The following KALRN variants were observed in gnomAD, a reference collection of about 807,000 sequenced individuals.
KALRN encodes kalirin.
Under a neutral mutation model 353.7 loss-of-function variants are expected in KALRN, and 70 were observed. The observed-to-expected ratio is 0.20, with a 90% CI of 0.16 to 0.24. The LOEUF is 0.24. Among genes scored for constraint, KALRN ranks in the 10% least tolerant of loss-of-function variants. The pLI is 1.00. For missense variants in KALRN, 2,791 were observed against 3,756.7 expected, an observed-to-expected ratio of 0.74 and a Z score of 6.72; for synonymous variants, 1,391 against 1,434.8, an observed-to-expected ratio of 0.97 and a Z score of 0.69.
chr3:124,504,138 A>G (rs1033773871), intron 33 of KALRN, among the ~76,000 whole-genome samples: 2 of 152,192 alleles, frequency 1.3e-5, no homozygotes, highest in African/African-American at 4.8e-5. Context: ...AGAAATAGGG[A>G]CACTGGAAAA....
At chr3:124,126,188 G>GT (rs60763765) in intron 1 of KALRN, among the ~76,000 whole-genome samples, 3,290 of 149,808 alleles carry the variant, frequency 0.022, 88 homozygotes, top group African/African-American at 0.068. Flanking sequence ...TAATGATTCT[G>GT]TTTTTTTTTC....
At chr3:124,586,723 G>A (rs1427418841) in intron 34 of KALRN, among the ~76,000 whole-genome samples, 1 of 152,204 alleles carries the variant, frequency 6.6e-6, no homozygotes, top group Non-Finnish European at 1.5e-5. Flanking sequence ...CAGTTTAAAA[G>A]GGAAAAGAAG....
At chr3:124,060,504 G>A (rs764527211) in intron 1 of KALRN, among the ~76,000 whole-genome samples, 75 of 152,330 alleles carry the variant, frequency 4.9e-4, no homozygotes, top group African/African-American at 1.8e-3. Context: ...ACCTCCAGGT[G>A]TCTGGCTCTC....
intron 33 of KALRN, among the ~76,000 whole-genome samples, chr3:124,524,662 T>C (rs1221805497): frequency 6.6e-6 from 1 of 152,192 alleles, no homozygotes; most frequent in Non-Finnish European, 1.5e-5. Context: ...GAATCAGTAT[T>C]AGAGAACCCA....
chr3:124,682,161 T>A (rs2061369314), intron 51 of KALRN, among the ~76,000 whole-genome samples: 1 of 152,036 alleles, frequency 6.6e-6, no homozygotes, highest in Non-Finnish European at 1.5e-5. Flanking sequence ...TGATGAGGAG[T>A]GCATACTGAA....
At chr3:124,666,417 A>G (rs1559805312) in intron 45 of KALRN, 32 bp from the exon 46 acceptor site, 1 of 1,606,094 alleles carries the variant, frequency 6.2e-7, no homozygotes, top group Non-Finnish European at 8.5e-7. Flanking sequence ...CCCATTTTTC[A>G]TTCACTTCAC....
At chr3:124,291,791 AT>A (rs1318517067) in intron 5 of KALRN, among the ~76,000 whole-genome samples, 12 of 152,160 alleles carry the variant, frequency 7.9e-5, no homozygotes, top group African/African-American at 2.7e-4. Context: ...AGCAGACTGG[AT>A]TTATGACAAA....
chr3:124,387,209 C>T (rs1445634), intron 11 of KALRN, among the ~76,000 whole-genome samples: 26,392 of 152,128 alleles, frequency 0.17, 2,355 homozygotes, highest in Admixed American at 0.2. Flanking sequence ...ATTGTTTTCC[C>T]GGATATCTCT....
chr3:124,156,311 C>A (rs534132664), intron 1 of KALRN, among the ~76,000 whole-genome samples: 1 of 152,298 alleles, frequency 6.6e-6, no homozygotes, highest in African/African-American at 2.4e-5. Flanking sequence ...TGTAAGTTTC[C>A]ATTTGGTGAA....
At chr3:124,044,952 G>A (rs1215750182) in intron 1 of KALRN, among the ~76,000 whole-genome samples, 1 of 131,444 alleles carries the variant, frequency 7.6e-6, no homozygotes, top group Admixed American at 8.6e-5. Context: ...TTTGGTAACA[G>A]TGTGGAGATA....
intron 2 of KALRN, among the ~76,000 whole-genome samples, chr3:124,233,338 C>T (rs1322846170): frequency 6.6e-6 from 1 of 152,136 alleles, no homozygotes; most frequent in African/African-American, 2.4e-5. Context: ...GCTTCCTTTT[C>T]CTCATGTGGA....
intron 47 of KALRN, among the ~76,000 whole-genome samples, chr3:124,669,872 TTATAC>T (rs1483202163): frequency 6.6e-6 from 1 of 152,200 alleles, no homozygotes; most frequent in Non-Finnish European, 1.5e-5. Flanking sequence ...TAAATGATTG[TTATAC>T]TATATTGTTT....
At chr3:124,339,804 T>C (rs928136081) in intron 9 of KALRN, among the ~76,000 whole-genome samples, 2 of 152,310 alleles carry the variant, frequency 1.3e-5, no homozygotes. Context: ...GGATAATTCT[T>C]TAGTTTACCT....
chr3:124,374,935 A>C (rs2086376135), intron 10 of KALRN, among the ~76,000 whole-genome samples: 1 of 152,330 alleles, frequency 6.6e-6, no homozygotes, highest in East Asian at 1.9e-4. Flanking sequence ...GGCTTCAGGA[A>C]TTCCATGCAA....
At chr3:124,518,409 C>T (rs2066867948) in intron 33 of KALRN, 2 of 1,614,024 alleles carry the variant, frequency 1.2e-6, no homozygotes, top group Non-Finnish European at 1.7e-6. Flanking sequence ...GGATGGCAAC[C>T]TTGTTCCTCG....
chr3:124,441,976 T>C lies in KALRN; in HGVS notation c.3230T>C (p.Val1077Ala). 6.2e-7 allele frequency: 1 copy of C among 1,602,482 alleles called. No homozygotes were observed. The highest frequency in any genetic ancestry group is 8.5e-7 in the Non-Finnish European group (1 of 1,171,724). Residue 1077 changes from valine to alanine, a missense_variant, in exon 19 of 60, where the codon GTG becomes GCG. By Grantham distance (64) the Val-to-Ala change is moderately conservative (BLOSUM62 0). This residue lies in a region of KALRN where 268 missense variants were observed against 347.0 expected (regional missense o/e 0.77). Coordinates refer to ENST00000682506, the MANE Select transcript of KALRN (RefSeq NM_001388419.1). The stretch of plus-strand genomic sequence containing the variant: ...ACCCTGGCTCGGCGGAATGCTGAGG[T>C]GTTTCTCAAGTACATCCACAGGAAC... ...ACTLARRNAE[V>A]FLKYIHRNNV...
Position 124,266,861 on chromosome 3 carries a change from G to C in KALRN, c.457-1882G>C, listed in dbSNP as rs185464075. On this transcript the variant is annotated intron_variant, in intron 4 of 59. Coordinates refer to ENST00000682506, the MANE Select transcript of KALRN (RefSeq NM_001388419.1). Reference sequence around the variant, plus strand: ...GCAGGGAAATGCTTTCTATATTTTGGCTTGTTTATACAGAGGTGGTGACAA... The same window carrying C: ...GCAGGGAAATGCTTTCTATATTTTGCCTTGTTTATACAGAGGTGGTGACAA... 1.1e-3 allele frequency among the ~76,000 whole-genome samples: 165 copies of C among 152,282 alleles called. 1 individual carries two copies. The Middle Eastern group carries it at 0.02, about 19-fold the overall frequency.
At chr3:124,449,075 T>C (rs1463184366) in intron 21 of KALRN, among the ~76,000 whole-genome samples, 2 of 152,232 alleles carry the variant, frequency 1.3e-5, no homozygotes, top group Non-Finnish European at 2.9e-5. Flanking sequence ...GGCAGCAGCC[T>C]CCTGCCCCAC....
intron 1 of KALRN, among the ~76,000 whole-genome samples, chr3:124,077,161 A>G (rs2060297829): frequency 6.6e-6 from 1 of 152,220 alleles, no homozygotes; most frequent in Non-Finnish European, 1.5e-5. Context: ...TTGGGACCAG[A>G]CATTGTCTGC....
Sources: gnomAD v4.1 joint callset for allele counts (sites outside exome capture counted in the v4.1 genomes callset) on GRCh38, gnomAD v4.1.1 for gene constraint, gnomAD v4.1.1 regional missense constraint, MANE v1.5 for transcripts, NCBI Gene and HGNC (gene_info 2026-07-23, HGNC 2026-07-21) for gene names.